SUCLG2: variants seen among roughly 807,000 people sequenced by gnomAD.
The protein encoded by SUCLG2 is succinate--CoA ligase [GDP-forming] subunit beta, mitochondrial.
SUCLG2 carries 42 observed loss-of-function variants against 47.9 expected under a neutral mutation model. The ratio of observed to expected loss-of-function variants is 0.88; its 90% confidence interval spans 0.69 to 1.14. The LOEUF (loss-of-function observed/expected upper bound fraction) is 1.14, where lower values mean the gene tolerates loss of function less well. SUCLG2 is among the 50% of genes most tolerant of loss of function. SUCLG2 has a pLI of 0.00. For synonymous variants in SUCLG2, 195 were observed against 197.3 expected (o/e 0.99, Z 0.10); for missense variants, 571 against 525.9 (o/e 1.09, Z -0.84).
chr3:67,536,527 C>T (rs1706547387), intron 2 of SUCLG2, among the ~76,000 whole-genome samples: 1 of 152,208 alleles, frequency 6.6e-6, no homozygotes. Context: ...TGCCAGTTTT[C>T]ACACTAAACC....
intron 9 of SUCLG2, among the ~76,000 whole-genome samples, chr3:67,475,712 T>TCC (rs200631866): frequency 5.4e-5 from 8 of 148,412 alleles, no homozygotes; most frequent in East Asian, 4.1e-4. Flanking sequence ...TGATTTTCCT[T>TCC]CCCCTCCTTT....
intron 2 of SUCLG2, among the ~76,000 whole-genome samples, chr3:67,598,857 C>G (rs1019439884): frequency 6.6e-5 from 10 of 152,136 alleles, no homozygotes; most frequent in African/African-American, 1.2e-4. Flanking sequence ...GGAAATGGAG[C>G]CTTCGAGAAG....
intron 2 of SUCLG2, among the ~76,000 whole-genome samples, chr3:67,572,609 G>C (rs759305611): frequency 7.9e-5 from 12 of 152,144 alleles, no homozygotes; most frequent in Non-Finnish European, 1.6e-4. Context: ...ACCCAGAGCA[G>C]TAAGAACAGG....
At chr3:67,632,407 G>A (rs1331864376) in intron 1 of SUCLG2, among the ~76,000 whole-genome samples, 8 of 152,056 alleles carry the variant, frequency 5.3e-5, no homozygotes, top group African/African-American at 1.9e-4. Context: ...GGTCTTGAAT[G>A]GGTGACCTCG....
chr3:67,383,521 C>T (rs1575659738), intron 10 of SUCLG2, among the ~76,000 whole-genome samples: 1 of 152,278 alleles, frequency 6.6e-6, no homozygotes, highest in East Asian at 1.9e-4. Flanking sequence ...ATGATTTCTT[C>T]TCGCACAGTA....
intron 10 of SUCLG2, among the ~76,000 whole-genome samples, chr3:67,393,064 C>T (rs1429448208): frequency 6.6e-6 from 1 of 152,178 alleles, no homozygotes; most frequent in Non-Finnish European, 1.5e-5. Context: ...AATGGAACAG[C>T]TCCGGTCTAC....
intron 9 of SUCLG2, among the ~76,000 whole-genome samples, chr3:67,447,746 T>C (rs1314629383): frequency 1.3e-5 from 2 of 152,268 alleles, no homozygotes; most frequent in Non-Finnish European, 2.9e-5. Flanking sequence ...CATTTATTTA[T>C]TGAGACGGAG....
chr3:67,471,970 T>C (rs1704617118), intron 9 of SUCLG2, among the ~76,000 whole-genome samples: 2 of 102,468 alleles, frequency 2.0e-5, no homozygotes, highest in South Asian at 6.3e-4. Flanking sequence ...TACACCTTCC[T>C]ATGTTTAGAG....
chr3:67,449,206 A>G (rs1703996583), intron 9 of SUCLG2, among the ~76,000 whole-genome samples: 1 of 152,228 alleles, frequency 6.6e-6, no homozygotes, highest in Non-Finnish European at 1.5e-5. Context: ...TCAAGAATAT[A>G]TATCTCTTGC....
exon 11 of SUCLG2, chr3:67,360,484 G>T (rs1352446407): frequency 2.7e-6 from 2 of 748,256 alleles, no homozygotes; most frequent in Non-Finnish European, 4.0e-6. Flanking sequence ...AAATATTTTT[G>T]GTGAATGAAC....
intron 9 of SUCLG2, among the ~76,000 whole-genome samples, chr3:67,460,741 C>T (rs945778645): frequency 6.6e-6 from 1 of 152,100 alleles, no homozygotes; most frequent in Non-Finnish European, 1.5e-5. Context: ...TTCTCATCCT[C>T]GCTCTATACT....
intron 1 of SUCLG2, among the ~76,000 whole-genome samples, chr3:67,653,269 A>G (rs1369628803): frequency 1.3e-5 from 2 of 152,218 alleles, no homozygotes; most frequent in African/African-American, 2.4e-5. Context: ...TCCTAGAGCT[A>G]TTCTCCTTAC....
At chr3:67,633,052 G>A (rs1018253336) in intron 1 of SUCLG2, among the ~76,000 whole-genome samples, 6 of 152,144 alleles carry the variant, frequency 3.9e-5, no homozygotes, top group Admixed American at 6.5e-5. Flanking sequence ...CTTGTCCAAC[G>A]GTGCTTTTCA....
intron 1 of SUCLG2, among the ~76,000 whole-genome samples, chr3:67,623,928 A>G (rs1700779169): frequency 6.6e-6 from 1 of 152,174 alleles, no homozygotes; most frequent in South Asian, 2.1e-4. Flanking sequence ...TGTCATCTCA[A>G]TGCATCAGAT....
intron 10 of SUCLG2, among the ~76,000 whole-genome samples, chr3:67,389,555 G>A (rs1702334490): frequency 6.6e-6 from 1 of 152,156 alleles, no homozygotes; most frequent in African/African-American, 2.4e-5. Context: ...GCCAACTACA[G>A]GGACCTTTGC....
rs1705581117 is a variant in SUCLG2 at position 67,504,296 on chromosome 3, T to C, written c.757+4511A>G. On this transcript the variant is annotated intron_variant, in intron 7 of 10. Coordinates refer to ENST00000307227, the MANE Select transcript of SUCLG2 (RefSeq NM_003848.4). The stretch of plus-strand genomic sequence containing the variant: ...AGAGAACCGAAAATGTTCTTGAAAA[T>C]AGAGTCTTGTGTATAAAGACAGAAA... 1.3e-5 allele frequency among the ~76,000 whole-genome samples: 2 copies of C among 151,956 alleles called. 1 individual carries two copies. The highest frequency in any genetic ancestry group is 4.2e-4 in the South Asian group (2 of 4,812).
At chr3:67,435,311 A>G (rs1017718940) in intron 9 of SUCLG2, among the ~76,000 whole-genome samples, 1 of 152,238 alleles carries the variant, frequency 6.6e-6, no homozygotes, top group Non-Finnish European at 1.5e-5. Context: ...TTAAAAGGCT[A>G]TAATACCTCA....
At chr3:67,458,512 CTCA>C (rs1704244479) in intron 9 of SUCLG2, among the ~76,000 whole-genome samples, 1 of 152,150 alleles carries the variant, frequency 6.6e-6, no homozygotes, top group African/African-American at 2.4e-5. Context: ...CTGACTGTGT[CTCA>C]TCATCTCTAA....
intron 9 of SUCLG2, among the ~76,000 whole-genome samples, chr3:67,476,949 C>T (rs968932907): frequency 1.5e-4 from 23 of 152,244 alleles, no homozygotes; most frequent in Admixed American, 5.2e-4. Context: ...CTTGTGGAGA[C>T]GCCATGAAAA....
Sources: allele counts gnomAD v4.1 joint callset (sites outside exome capture counted in the v4.1 genomes callset), GRCh38; gene constraint gnomAD v4.1.1; transcripts MANE v1.5; gene names NCBI Gene and HGNC (gene_info 2026-07-23, HGNC 2026-07-21).